The following GEMIN5 variants were observed in gnomAD, a reference collection of about 807,000 sequenced individuals.
GEMIN5 encodes the protein gem nuclear organelle associated protein 5, also known as gem-associated protein 5.
A neutral mutation model predicts 176.9 loss-of-function variants in GEMIN5; 124 were observed. The observed-to-expected ratio is 0.70, with a 90% confidence interval of 0.61 to 0.81. The LOEUF is 0.81. GEMIN5 is among the 40% of genes least tolerant of loss of function. The probability of loss-of-function intolerance (pLI) is 0.00; values close to 1 mark genes in which losing one functional copy is unlikely to be tolerated. For missense variants in GEMIN5, 1,843 were observed against 1,814.6 expected, an observed-to-expected ratio of 1.02 and a Z score of -0.28; for synonymous variants, 673 against 665.2, an observed-to-expected ratio of 1.01 and a Z score of -0.18.
At chr5:154,924,342 T>C (rs951143133) in intron 9 of GEMIN5, 127 bp downstream of exon 9, 8 of 662,124 alleles carry the variant, frequency 1.2e-5, no homozygotes, top group Non-Finnish European at 1.9e-5. Flanking sequence ...ACCAAACAAC[T>C]GATTTGTGGT....
chr5:154,934,327 C>T (rs1764222899), intron 3 of GEMIN5, among the ~76,000 whole-genome samples: 1 of 152,204 alleles, frequency 6.6e-6, no homozygotes. Context: ...GCTGGGATTA[C>T]AGGCATGCGC....
chr5:154,921,152 A>C (rs1763913110), intron 10 of GEMIN5, among the ~76,000 whole-genome samples, 191 bp downstream of exon 10: 1 of 152,194 alleles, frequency 6.6e-6, no homozygotes, highest in Admixed American at 6.5e-5. Flanking sequence ...TATTATGGGT[A>C]AATGGTTTCT....
Position 154,916,997 on chromosome 5 carries a change from C to A in GEMIN5, c.1855+1G>T. ...CCCAGTATGAAAGAAACCAAAGTTACCTATGACAGTCTTCAGGTTGTGCAC... is the reference window on the plus strand; with the variant it reads ...CCCAGTATGAAAGAAACCAAAGTTAACTATGACAGTCTTCAGGTTGTGCAC... On this transcript the variant is annotated splice_donor_variant, in intron 13 of 27. Coordinates refer to ENST00000285873, the MANE Select transcript of GEMIN5 (RefSeq NM_015465.5). LOFTEE classifies it high-confidence loss of function. 6.4e-7 allele frequency: 1 copy of A among 1,558,188 alleles called. No homozygotes were observed. The highest frequency in any genetic ancestry group is 8.8e-7 in the Non-Finnish European group (1 of 1,139,998).
chr5:154,922,324 A>C (rs201702974), intron 9 of GEMIN5, among the ~76,000 whole-genome samples: 1 of 151,956 alleles, frequency 6.6e-6, no homozygotes. Flanking sequence ...CCTGCCACCA[A>C]GCCCGGCTAA....
intron 2 of GEMIN5, among the ~76,000 whole-genome samples, chr5:154,936,676 T>C (rs1046799286): frequency 6.6e-6 from 1 of 152,218 alleles, no homozygotes; most frequent in Admixed American, 6.5e-5. Flanking sequence ...TTTGTATCAA[T>C]AACCAGAGGG....
intron 15 of GEMIN5, among the ~76,000 whole-genome samples, chr5:154,911,030 T>C (rs1485617106): frequency 1.3e-5 from 2 of 152,146 alleles, no homozygotes; most frequent in Non-Finnish European, 2.9e-5. Flanking sequence ...TTGTCCCAGA[T>C]TTGGTCAGTG....
chr5:154,932,846 T>C (rs1311552493), intron 3 of GEMIN5, among the ~76,000 whole-genome samples: 1 of 152,204 alleles, frequency 6.6e-6, no homozygotes. Context: ...ATTATAGGCA[T>C]CAGCCACCAC....
Position 154,911,871 on chromosome 5 carries a change from G to A in GEMIN5, c.2023C>T (p.Leu675=), listed in dbSNP as rs1041390434. ...QVWDALREEP[L]CNFRGHRGRL... ...CCTCGATGTCCTCGGAAATTGCACA[G>A]GGGCTCTTCCCGGAGAGCATCCCAC... Residue 675 remains leucine, a synonymous_variant, in exon 15 of 28, where the codon CTG becomes TTG. Transcript: ENST00000285873. 1.2e-6 allele frequency: 2 copies of A among 1,614,090 alleles called. No homozygotes were observed. The highest frequency in any genetic ancestry group is 2.7e-5 in the African/African-American group (2 of 75,040).
At chr5:154,892,892 T>A (rs932093685) in intron 24 of GEMIN5, among the ~76,000 whole-genome samples, 1 of 148,390 alleles carries the variant, frequency 6.7e-6, no homozygotes, top group Non-Finnish European at 1.5e-5. Context: ...AGGTCAGGAG[T>A]TCAAGACCAG....
chr5:154,896,213 C>G lies in GEMIN5; in HGVS notation c.3476G>C (p.Arg1159Thr), dbSNP rs777057517. The G allele has an allele frequency of 1.2e-6, 2 of 1,613,934 alleles. No individual in the cohort carries two copies. Among genetic ancestry groups the G allele is most frequent in the Non-Finnish European group, 1.7e-6 (2 of 1,179,936 alleles). The change falls in exon 24 of 28, where the codon AGG becomes ACG. Residue 1159 changes from arginine to threonine, a missense_variant. Physicochemically the swap from Arg to Thr is moderately conservative, Grantham distance 71. Coordinates refer to ENST00000285873, the MANE Select transcript of GEMIN5 (RefSeq NM_015465.5). ...GATGCTCTTCCACACTGCAGTCACC[C>G]TCTCCACGAAAGGCCCTTCGGTGCC... ...NTGTEGPFVE[R>T]VTAVWKSIFS... is the part of the protein sequence containing the mutation.
At chr5:154,906,256 A>C (rs1290810788) in intron 16 of GEMIN5, among the ~76,000 whole-genome samples, 1 of 152,100 alleles carries the variant, frequency 6.6e-6, no homozygotes, top group Non-Finnish European at 1.5e-5. Flanking sequence ...TTGGCCTCCC[A>C]TAGTGCTGGG....
intron 11 of GEMIN5, among the ~76,000 whole-genome samples, chr5:154,919,246 T>C (rs1352538827): frequency 6.6e-6 from 1 of 151,284 alleles, no homozygotes; most frequent in African/African-American, 2.4e-5. Flanking sequence ...CAGGAGAATC[T>C]CATGAACCTA....
rs1322999097 is a variant in GEMIN5 at position 154,917,048 on chromosome 5, G to C, written c.1805C>G (p.Ser602Cys). 1.2e-6 allele frequency: 2 copies of C among 1,608,170 alleles called. No individual in the cohort carries two copies. The highest frequency in any genetic ancestry group is 2.2e-5 in the East Asian group (1 of 44,734). Residue 602 changes from serine (S) to cysteine (C), a missense_variant, in exon 13 of 28, where the codon TCT (serine) becomes TGT (cysteine). By Grantham distance (112) the Ser-to-Cys change is moderately radical. Coordinates refer to ENST00000285873, the MANE Select transcript of GEMIN5 (RefSeq NM_015465.5). Reference protein sequence around the residue: ...SQPELSYLMASGSNNAVIYVH... With the variant: ...SQPELSYLMACGSNNAVIYVH... ...GTAAATGACTGCATTGTTGGAGCCA[G>C]AGGCCATCAGATAGCTCAATTCTGG...
Position 154,911,777 on chromosome 5 carries a change from C to T in GEMIN5, c.2117G>A (p.Cys706Tyr), listed in dbSNP as rs781484163. 1.9e-6 allele frequency: 3 copies of T among 1,614,084 alleles called. No individual in the cohort carries two copies. The South Asian group carries it at 3.3e-5, about 18-fold the overall frequency. ...DCIYSGADDF[C>Y]VHKWLTSMQD... Reference sequence around the variant, plus strand: ...CATGGAAGTGAGCCACTTGTGCACACAAAAGTCATCTGCCCCTGAATAGAT... The same window carrying T: ...CATGGAAGTGAGCCACTTGTGCACATAAAAGTCATCTGCCCCTGAATAGAT... The change falls in exon 15 of 28, where the codon TGT (cysteine) becomes TAT (tyrosine). Residue 706 changes from cysteine (C) to tyrosine (Y), a missense_variant. Coordinates refer to ENST00000285873, the MANE Select transcript of GEMIN5 (RefSeq NM_015465.5).
chr5:154,895,954 T>G (rs1763341752), intron 24 of GEMIN5, 138 bp downstream of exon 24: 1 of 853,362 alleles, frequency 1.2e-6, no homozygotes, highest in Non-Finnish European at 1.9e-6. Context: ...AAGGGATCTT[T>G]CCAGGTGGCG....
intron 21 of GEMIN5, 76 bp from the exon 22 acceptor site, chr5:154,899,386 A>G: frequency 1.6e-6 from 2 of 1,223,994 alleles, no homozygotes; most frequent in South Asian, 4.2e-5. Flanking sequence ...GCTGTAAGAC[A>G]GGACAAACTG....
chr5:154,899,619 TAA>T lies in GEMIN5; in HGVS notation c.3015-311_3015-310del, dbSNP rs11285608. Among the ~76,000 whole-genome samples the T allele has an allele frequency of 6.3e-3, 935 of 148,726 alleles. 5 individuals carry two copies. Among genetic ancestry groups the T allele is most frequent in the African/African-American group, 0.018 (723 of 40,800 alleles). On this transcript the variant is annotated intron_variant, in intron 21 of 27. Coordinates refer to ENST00000285873, the MANE Select transcript of GEMIN5 (RefSeq NM_015465.5). ...AAGAGTCAGTTATGTGCTTTTTTATTAAAAAAAAAAAAATGTGTTGACATTTG... is the reference window on the plus strand; with the variant it reads ...AAGAGTCAGTTATGTGCTTTTTTATTAAAAAAAAAAATGTGTTGACATTTG...
chr5:154,904,669 G>C, intron 17 of GEMIN5, 40 bp from the exon 18 acceptor site: 1 of 1,537,366 alleles, frequency 6.5e-7, no homozygotes, highest in Non-Finnish European at 9.0e-7. Flanking sequence ...AAGGAGAACT[G>C]ATCAGAAACA....
chr5:154,902,759 G>GA, intron 19 of GEMIN5, 83 bp from the exon 20 acceptor site: 1 of 1,376,554 alleles, frequency 7.3e-7, no homozygotes, highest in Non-Finnish European at 1.0e-6. Flanking sequence ...CAAGATAGAA[G>GA]AGAAAGTGAG....
Sources: gnomAD v4.1 joint callset for allele counts (sites outside exome capture counted in the v4.1 genomes callset) on GRCh38, gnomAD v4.1.1 for gene constraint, MANE v1.5 for transcripts, NCBI Gene and HGNC (gene_info 2026-07-23, HGNC 2026-07-21) for gene names.